CTNNA2: variants seen among roughly 807,000 people sequenced by gnomAD.
The protein encoded by CTNNA2 is catenin alpha-2.
A neutral mutation model predicts 101.0 loss-of-function variants in CTNNA2; 42 were observed. The observed-to-expected ratio is 0.42, with a 90% CI of 0.32 to 0.54. The LOEUF (loss-of-function observed/expected upper bound fraction) is 0.54, where lower values mean the gene tolerates loss of function less well. Ranked by LOEUF, CTNNA2 falls within the 20% of genes least tolerant of loss-of-function variation. CTNNA2 has a pLI of 0.14. For missense variants in CTNNA2, 871 were observed against 1,223.1 expected (o/e 0.71, Z 4.29); for synonymous variants, 450 against 456.4 (o/e 0.99, Z 0.18).
chr2:79,609,500 G>A (rs537874664), intron 1 of CTNNA2, among the ~76,000 whole-genome samples: 14 of 152,060 alleles, frequency 9.2e-5, no homozygotes, highest in South Asian at 4.1e-4. Flanking sequence ...AAATAACTTC[G>A]GAAAGGTATA....
chr2:79,679,844 C>G (rs547075344), intron 2 of CTNNA2, among the ~76,000 whole-genome samples: 1 of 152,058 alleles, frequency 6.6e-6, no homozygotes, highest in African/African-American at 2.4e-5. Flanking sequence ...AGTCCTCCTG[C>G]GTCTTCTCCC....
At chr2:79,413,908 T>C (rs926220645) in intron 4 of CTNNA2, among the ~76,000 whole-genome samples, 3 of 145,004 alleles carry the variant, frequency 2.1e-5, no homozygotes, top group African/African-American at 7.6e-5. Context: ...TTTAATCAGA[T>C]TGTTTTCTTA....
At chr2:80,256,278 C>G (rs1170238259) in intron 7 of CTNNA2, among the ~76,000 whole-genome samples, 11 of 152,106 alleles carry the variant, frequency 7.2e-5, no homozygotes, top group Admixed American at 6.6e-4. Context: ...TACACGGGCT[C>G]TATCTAGCCA....
intron 1 of CTNNA2, among the ~76,000 whole-genome samples, chr2:79,194,584 A>G (rs1673933889): frequency 1.3e-5 from 2 of 152,198 alleles, no homozygotes; most frequent in African/African-American, 4.8e-5. Context: ...ACTTGTAGCC[A>G]CAGTAATATG....
chr2:80,042,890 T>C (rs1696161277), intron 7 of CTNNA2, among the ~76,000 whole-genome samples: 1 of 152,146 alleles, frequency 6.6e-6, no homozygotes. Context: ...TAGGGTCAGT[T>C]TGAGACTGGG....
chr2:79,938,810 A>G (rs1191019173), intron 7 of CTNNA2, among the ~76,000 whole-genome samples: 1 of 152,234 alleles, frequency 6.6e-6, no homozygotes. Flanking sequence ...AGTACTCAGA[A>G]TTCAGAGATC....
At chr2:79,350,311 A>G (rs1218957012) in intron 3 of CTNNA2, among the ~76,000 whole-genome samples, 2 of 151,968 alleles carry the variant, frequency 1.3e-5, no homozygotes, top group Non-Finnish European at 2.9e-5. Context: ...GGAGTTCCCA[A>G]TGTCTGTTAC....
intron 7 of CTNNA2, among the ~76,000 whole-genome samples, chr2:80,042,640 C>T (rs927166605): frequency 2.0e-5 from 3 of 151,968 alleles, no homozygotes; most frequent in African/African-American, 7.3e-5. Context: ...GGACCATGGC[C>T]GATTCATGAT....
At chr2:80,389,179 A>G (rs1318679079) in intron 7 of CTNNA2, among the ~76,000 whole-genome samples, 3 of 152,188 alleles carry the variant, frequency 2.0e-5, no homozygotes, top group Non-Finnish European at 4.4e-5. Flanking sequence ...TTCCACATCA[A>G]AAATACTTTC....
chr2:79,356,000 C>A (rs1677500613), intron 3 of CTNNA2, among the ~76,000 whole-genome samples: 2 of 151,618 alleles, frequency 1.3e-5, no homozygotes, highest in African/African-American at 4.8e-5. Context: ...ATATATAACT[C>A]TTTGTATAAC....
chr2:79,188,799 G>A (rs921178231), intron 1 of CTNNA2, among the ~76,000 whole-genome samples: 2 of 152,172 alleles, frequency 1.3e-5, no homozygotes, highest in African/African-American at 4.8e-5. Flanking sequence ...TTAGTGTTGT[G>A]AAAGACGTTT....
At chr2:79,721,229 GTAATTTA>G (rs1407586840) in intron 2 of CTNNA2, among the ~76,000 whole-genome samples, 1 of 152,082 alleles carries the variant, frequency 6.6e-6, no homozygotes, top group Non-Finnish European at 1.5e-5. Flanking sequence ...CACAGACTGG[GTAATTTA>G]TAAAGAAAGT....
chr2:80,038,565 A>G (rs1254657628), intron 7 of CTNNA2, among the ~76,000 whole-genome samples: 1 of 152,090 alleles, frequency 6.6e-6, no homozygotes, highest in Non-Finnish European at 1.5e-5. Flanking sequence ...TACTGAAAAT[A>G]CAAAAATTAG....
chr2:80,434,439 G>A (rs1165569192), intron 9 of CTNNA2, among the ~76,000 whole-genome samples: 2 of 149,954 alleles, frequency 1.3e-5, no homozygotes, highest in African/African-American at 4.9e-5. Flanking sequence ...GCTGATGATC[G>A]CTACTTCGAT....
chr2:80,198,836 G>A (rs924005126), intron 7 of CTNNA2, among the ~76,000 whole-genome samples: 10 of 152,028 alleles, frequency 6.6e-5, no homozygotes, highest in South Asian at 4.2e-4. Context: ...TATGCCCAAC[G>A]TCAGTTTTGT....
chr2:79,217,200 T>A (rs1473094560), intron 2 of CTNNA2, among the ~76,000 whole-genome samples: 1 of 152,140 alleles, frequency 6.6e-6, no homozygotes, highest in Non-Finnish European at 1.5e-5. Context: ...GGCTGGTGGG[T>A]CTGAGGCCCT....
At chr2:80,385,297 G>A (rs1249551794) in intron 7 of CTNNA2, among the ~76,000 whole-genome samples, 1 of 152,066 alleles carries the variant, frequency 6.6e-6, no homozygotes, top group Admixed American at 6.6e-5. Context: ...TATGTCATGA[G>A]GGTGGAGATC....
At chr2:79,469,743 A>G (rs1670978234) in intron 4 of CTNNA2, among the ~76,000 whole-genome samples, 1 of 152,138 alleles carries the variant, frequency 6.6e-6, no homozygotes, top group South Asian at 2.1e-4. Context: ...ATCAATAAAC[A>G]TAATCCGGCA....
chr2:79,594,796 C>T (rs1461277388), intron 1 of CTNNA2, among the ~76,000 whole-genome samples: 1 of 152,070 alleles, frequency 6.6e-6, no homozygotes, highest in Non-Finnish European at 1.5e-5. Flanking sequence ...TCTGAGCCCA[C>T]AAGCATACTA....
Sources: gnomAD v4.1 joint callset for allele counts (sites outside exome capture counted in the v4.1 genomes callset) on GRCh38, gnomAD v4.1.1 for gene constraint, MANE v1.5 for transcripts, NCBI Gene and HGNC (gene_info 2026-07-23, HGNC 2026-07-21) for gene names.